PKD2L1: variants seen among roughly 807,000 people sequenced by gnomAD.
PKD2L1 encodes the protein polycystin 2 like 1, transient receptor potential cation channel.
A neutral mutation model predicts 93.0 loss-of-function variants in PKD2L1; 77 were observed. That is an observed-to-expected ratio of 0.83 (90% CI 0.69 to 1.00). The LOEUF is 1.00. Among genes scored for constraint, PKD2L1 ranks in the 50% least tolerant of loss-of-function variants. The probability of loss-of-function intolerance (pLI) is 0.00; values close to 1 mark genes in which losing one functional copy is unlikely to be tolerated. For synonymous variants in PKD2L1, 390 were observed against 388.0 expected (o/e 1.01, Z -0.06); for missense variants, 977 against 990.9 (o/e 0.99, Z 0.19).
intron 2 of PKD2L1, among the ~76,000 whole-genome samples, chr10:100,315,323 T>C (rs1347865323): frequency 6.6e-6 from 1 of 152,058 alleles, no homozygotes; most frequent in African/African-American, 2.4e-5. Context: ...GTTTGTCACA[T>C]AGGTATACAT....
At chr10:100,319,750 G>A (rs142017621) in intron 2 of PKD2L1, among the ~76,000 whole-genome samples, 177 of 152,340 alleles carry the variant, frequency 1.2e-3, no homozygotes, top group African/African-American at 4.1e-3. Context: ...GGCATTAAAG[G>A]TTGAGGGTCT....
chr10:100,325,480 C>T (rs1471354959), intron 2 of PKD2L1, among the ~76,000 whole-genome samples: 2 of 152,148 alleles, frequency 1.3e-5, no homozygotes, highest in East Asian at 3.9e-4. Context: ...TTAGTATTAT[C>T]TTACTAGATG....
chr10:100,308,326 T>G (rs1037134287), intron 2 of PKD2L1, among the ~76,000 whole-genome samples: 2 of 151,972 alleles, frequency 1.3e-5, no homozygotes, highest in African/African-American at 2.4e-5. Flanking sequence ...AACTCAGATT[T>G]AGAATGTTGC....
intron 12 of PKD2L1, 102 bp from the exon 13 acceptor site, chr10:100,290,621 G>C: frequency 1.4e-6 from 1 of 733,176 alleles, no homozygotes; most frequent in Non-Finnish European, 2.3e-6. Context: ...CCAAGGCTCA[G>C]GTCCTAGTTC....
Position 100,294,598 on chromosome 10 carries a change from G to A in PKD2L1, c.1596C>T (p.Ala532=). 6.2e-7 allele frequency: 1 copy of A among 1,613,884 alleles called. No homozygotes were observed. Among genetic ancestry groups the A allele is most frequent in the Non-Finnish European group, 8.5e-7 (1 of 1,179,874 alleles). The change falls in exon 9 of 16, where the codon GCC becomes GCT. Residue 532 remains alanine, a synonymous_variant. Coordinates refer to ENST00000318222, the MANE Select transcript of PKD2L1 (RefSeq NM_016112.3). The part of the protein sequence containing the change: ...GDFDYNAIDN[A]NRILGPAYFV... ...AGTAGGCAGGGCCCAGGATGCGGTT[G>A]GCATTGTCGATAGCATTGTAGTCAA...
At chr10:100,317,332 GA>G (rs71472533) in intron 2 of PKD2L1, among the ~76,000 whole-genome samples, 26,659 of 151,832 alleles carry the variant, frequency 0.18, 2,732 homozygotes, top group South Asian at 0.38. Flanking sequence ...TTACATTCAG[GA>G]GTTCAAGACC....
Position 100,297,026 on chromosome 10 carries a change from C to G in PKD2L1, c.1139G>C (p.Arg380Pro), listed in dbSNP as rs200855686. The change falls in exon 6 of 16, where the codon CGC (arginine) becomes CCC (proline). Residue 380 changes from arginine (R) to proline (P), a missense_variant. Transcript: ENST00000318222. Reference sequence around the variant, plus strand: ...TATGTTCCAGATGCTGCTGAGGTAGCGAAGCCGGTGAATGTGGAGCTCCAG... The same window carrying G: ...TATGTTCCAGATGCTGCTGAGGTAGGGAAGCCGGTGAATGTGGAGCTCCAG... ...EILELHIHRL[R>P]YLSSIWNILD... 4 of 1,614,080 alleles carry G rather than the reference C, an allele frequency of 2.5e-6. No individual in the cohort carries two copies. The South Asian group carries it at 4.4e-5, about 18-fold the overall frequency.
At chr10:100,324,580 C>T (rs901450882) in intron 2 of PKD2L1, among the ~76,000 whole-genome samples, 5 of 152,016 alleles carry the variant, frequency 3.3e-5, no homozygotes, top group Admixed American at 1.3e-4. Flanking sequence ...TTTTAATGAA[C>T]AGTCTAGAGG....
chr10:100,318,011 C>T (rs1849138600), intron 2 of PKD2L1, among the ~76,000 whole-genome samples: 1 of 151,700 alleles, frequency 6.6e-6, no homozygotes, highest in African/African-American at 2.4e-5. Flanking sequence ...ACCTGGGAGG[C>T]GGAGGTCGCA....
At chr10:100,294,912 A>G (rs764147648) in intron 8 of PKD2L1, 30 bp downstream of exon 8, 2 of 1,588,744 alleles carry the variant, frequency 1.3e-6, no homozygotes, top group African/African-American at 2.7e-5. Flanking sequence ...GTGAGGGGCC[A>G]GGGAGGAGTG....
At position 100,294,674 on chromosome 10, in the gene PKD2L1, G is replaced by C; in HGVS notation, c.1539-19C>G. ...AGTGAAACTGAGAGACCAGGTCTGG[G>C]CTTTACCCAGAGCCTAACAAACACC... On this transcript the variant is annotated intron_variant, in intron 8 of 15. Transcript: ENST00000318222. The C allele has an allele frequency of 6.2e-7, 1 of 1,613,934 alleles. No homozygotes were observed. The highest frequency in any genetic ancestry group is 8.5e-7 in the Non-Finnish European group (1 of 1,179,936).
At chr10:100,294,432 T>G in intron 9 of PKD2L1, 103 bp downstream of exon 9, 1 of 1,257,822 alleles carries the variant, frequency 8.0e-7, no homozygotes, top group Non-Finnish European at 1.2e-6. Flanking sequence ...TCACTCTCCA[T>G]CCTTGATTTG....
intron 2 of PKD2L1, among the ~76,000 whole-genome samples, chr10:100,306,540 G>A (rs1848803227): frequency 1.3e-5 from 2 of 152,028 alleles, no homozygotes; most frequent in Admixed American, 6.5e-5. Context: ...CACATCCCTC[G>A]GGTGCATTAT....
At chr10:100,293,400 C>T in intron 9 of PKD2L1, 21 bp from the exon 10 acceptor site, 2 of 1,490,014 alleles carry the variant, frequency 1.3e-6, no homozygotes, top group South Asian at 1.1e-5. Flanking sequence ...AAGTGGGGAC[C>T]TGGGTCCTCA....
rs1461560377 is a variant in PKD2L1, at chr10:100,294,667, G to C, written c.1539-12C>G. On this transcript the variant is annotated splice_polypyrimidine_tract_variant and intron_variant, in intron 8 of 15. Coordinates refer to ENST00000318222, the MANE Select transcript of PKD2L1 (RefSeq NM_016112.3). ...GGAACTGAGTGAAACTGAGAGACCA[G>C]GTCTGGGCTTTACCCAGAGCCTAAC... 3 of 1,614,038 alleles carry C rather than the reference G, an allele frequency of 1.9e-6. No individual in the cohort carries two copies. Among genetic ancestry groups the C allele is most frequent in the Non-Finnish European group, 1.7e-6 (2 of 1,179,990 alleles).
intron 2 of PKD2L1, among the ~76,000 whole-genome samples, chr10:100,302,880 T>C (rs1425034413): frequency 1.3e-5 from 2 of 152,368 alleles, no homozygotes; most frequent in East Asian, 1.9e-4. Flanking sequence ...TAGATGATAG[T>C]ACTGGATTGC....
chr10:100,324,396 C>T lies in PKD2L1; in HGVS notation c.349+4815G>A, dbSNP rs138407507. Among the ~76,000 whole-genome samples the T allele has an allele frequency of 4.7e-3, 723 of 152,308 alleles. 5 individuals are homozygous for T. The highest frequency in any genetic ancestry group is 0.017 in the African/African-American group (695 of 41,564). On this transcript the variant is annotated intron_variant, in intron 2 of 15. Coordinates refer to ENST00000318222, the MANE Select transcript of PKD2L1 (RefSeq NM_016112.3). ...AGGTATTCACCATACAGAGTAGTTT[C>T]ACTGCCCTAAAAATCCTCTGTGCTT...
At chr10:100,305,028 T>G (rs1167247271) in intron 2 of PKD2L1, among the ~76,000 whole-genome samples, 1 of 152,116 alleles carries the variant, frequency 6.6e-6, no homozygotes, top group Non-Finnish European at 1.5e-5. Flanking sequence ...GTTTGTTGGT[T>G]GAACCAACAG....
At chr10:100,316,522 A>C (rs574922704) in intron 2 of PKD2L1, among the ~76,000 whole-genome samples, 1 of 152,358 alleles carries the variant, frequency 6.6e-6, no homozygotes, top group Admixed American at 6.5e-5. Context: ...CCTGGCACAT[A>C]GTAAGACTTC....
Sources: gnomAD v4.1 joint callset for allele counts (sites outside exome capture counted in the v4.1 genomes callset) on GRCh38, gnomAD v4.1.1 for gene constraint, MANE v1.5 for transcripts, NCBI Gene and HGNC (gene_info 2026-07-23, HGNC 2026-07-21) for gene names.